The following MYO7B variants were observed in gnomAD, a reference collection of about 807,000 sequenced individuals.
MYO7B encodes unconventional myosin-VIIb.
Under a neutral mutation model 259.7 loss-of-function variants are expected in MYO7B, and 212 were observed. That is an observed-to-expected ratio of 0.82 (90% CI 0.73 to 0.91). The LOEUF (loss-of-function observed/expected upper bound fraction) is 0.91, where lower values mean the gene tolerates loss of function less well. Among genes scored for constraint, MYO7B ranks in the 40% least tolerant of loss-of-function variants. The probability of loss-of-function intolerance (pLI) is 0.00; values close to 1 mark genes in which losing one functional copy is unlikely to be tolerated. For missense variants in MYO7B, 2,732 were observed against 2,813.5 expected (o/e 0.97, Z 0.66); for synonymous variants, 1,197 against 1,166.4 (o/e 1.03, Z -0.54).
At position 127,631,294 on chromosome 2, in the gene MYO7B, C is replaced by T. The variant is rs750191512; in HGVS notation, c.5026C>T (p.Arg1676Ter). Residue 1676 changes from arginine (R) to a stop codon, truncating the protein, a stop_gained, in exon 37 of 48, where the codon CGA becomes TGA. Coordinates refer to ENST00000409816, the MANE Select transcript of MYO7B (RefSeq NM_001393586.1). LOFTEE classifies it high-confidence loss of function. The part of the protein sequence containing the change: ...HLWAYSCEPL[R>*]QPLLKRVHAN... ...GTGGGCCTATTCCTGCGAGCCGCTGCGACAGCCGCTGCTCAAGCGAGTCCA... is the reference window on the plus strand; with the variant it reads ...GTGGGCCTATTCCTGCGAGCCGCTGTGACAGCCGCTGCTCAAGCGAGTCCA... The T allele has an allele frequency of 9.3e-6, 15 of 1,612,064 alleles. No homozygotes were observed. Among genetic ancestry groups the T allele is most frequent in the Middle Eastern group, 1.6e-4 (1 of 6,082 alleles).
In MYO7B at chr2:127,613,932, C is replaced by G. The variant is rs1172000857; in HGVS notation, c.3398+1329C>G. Among the ~76,000 whole-genome samples, 1 of 152,064 alleles carries G rather than the reference C, an allele frequency of 6.6e-6. No individual in the cohort carries two copies. The highest frequency in any genetic ancestry group is 2.4e-5 in the African/African-American group (1 of 41,400). On this transcript the variant is annotated intron_variant, in intron 26 of 47. Coordinates refer to ENST00000409816, the MANE Select transcript of MYO7B (RefSeq NM_001393586.1). The surrounding 1 kb of genome is among the most constrained non-coding windows in gnomAD (Gnocchi z 4.3). ...AGGACTCCTCTGATTGTCTTTATTC[C>G]AAGATTTCCCTTCTCACTTTCAAGC...
chr2:127,622,447 G>A (rs1680887420), intron 28 of MYO7B, among the ~76,000 whole-genome samples: 1 of 152,206 alleles, frequency 6.6e-6, no homozygotes, highest in Non-Finnish European at 1.5e-5. Flanking sequence ...ACCATGGTTG[G>A]CATCCTTGGT....
intron 19 of MYO7B, among the ~76,000 whole-genome samples, chr2:127,600,937 A>G (rs184185882): frequency 1.2e-4 from 18 of 152,242 alleles, no homozygotes; most frequent in Admixed American, 7.8e-4. Context: ...CCTCTTTTCT[A>G]ATGTAGAGTG....
Position 127,632,263 on chromosome 2 carries a change from G to A in MYO7B, c.5267G>A (p.Gly1756Asp). 1 of 1,611,948 alleles carries A rather than the reference G, an allele frequency of 6.2e-7. No individual in the cohort carries two copies. The highest frequency in any genetic ancestry group is 8.5e-7 in the Non-Finnish European group (1 of 1,179,546). ...HNSNRHSEERGWQLLWLCTGL... is the reference protein window; with the variant it reads ...HNSNRHSEERDWQLLWLCTGL... The stretch of plus-strand genomic sequence containing the variant: ...CCCTTCAGGCACAGCGAAGAGCGGG[G>A]CTGGCAGCTGCTGTGGCTGTGCACG... The change falls in exon 39 of 48, where the codon GGC becomes GAC. Residue 1756 changes from glycine to aspartate, a missense_variant. This residue lies in a region of MYO7B where 821 missense variants were observed against 769.3 expected (regional missense o/e 1.07). Coordinates refer to ENST00000409816, the MANE Select transcript of MYO7B (RefSeq NM_001393586.1).
rs1693225972 is a variant in MYO7B at position 127,546,298 on chromosome 2, T to G, written c.-24+10467T>G. ...GATGTCTCCATGGACAGCACAGGGT[T>G]GCTGTGGGGCTCAAATGAGAGAACC... On this transcript the variant is annotated intron_variant, in intron 1 of 47. Coordinates refer to ENST00000409816, the MANE Select transcript of MYO7B (RefSeq NM_001393586.1). The surrounding 1 kb of genome is among the most constrained non-coding windows in gnomAD (Gnocchi z 4.2). Among the ~76,000 whole-genome samples, 1 of 152,212 alleles carries G rather than the reference T, an allele frequency of 6.6e-6. No individual in the cohort carries two copies. Among genetic ancestry groups the G allele is most frequent in the Admixed American group, 6.5e-5 (1 of 15,280 alleles).
Position 127,636,713 on chromosome 2 carries a change from T to A in MYO7B, c.6208-81T>A. On this transcript the variant is annotated intron_variant, in intron 46 of 47. Coordinates refer to ENST00000409816, the MANE Select transcript of MYO7B (RefSeq NM_001393586.1). The surrounding 1 kb of genome is among the most constrained non-coding windows in gnomAD (Gnocchi z 4.5). ...GGGCTGCAGTCATCTCTGCGGTGTG[T>A]CCTGCCTCTCTCCTGTCCCCTAACA... 1 of 1,610,182 alleles carries A rather than the reference T, an allele frequency of 6.2e-7. No homozygotes were observed. Among genetic ancestry groups the A allele is most frequent in the Non-Finnish European group, 8.5e-7 (1 of 1,178,016 alleles).
At chr2:127,552,284 C>T (rs558409585) in intron 1 of MYO7B, among the ~76,000 whole-genome samples, 12 of 152,228 alleles carry the variant, frequency 7.9e-5, no homozygotes, top group East Asian at 3.9e-4. Flanking sequence ...TGACCACTTT[C>T]GTTCCAAAAA....
intron 14 of MYO7B, among the ~76,000 whole-genome samples, 197 bp from the exon 15 acceptor site, chr2:127,588,194 AC>A (rs1237348340): frequency 6.6e-6 from 1 of 151,890 alleles, no homozygotes; most frequent in African/African-American, 2.4e-5. Flanking sequence ...CAGAGTTTAG[AC>A]AGGAGAAGTG....
Position 127,628,216 on chromosome 2 carries a change from C to A in MYO7B, c.4461-156C>A. 2 of 888,806 alleles carry A rather than the reference C, an allele frequency of 2.3e-6. No individual in the cohort carries two copies. Among genetic ancestry groups the A allele is most frequent in the Admixed American group, 2.0e-5 (1 of 50,118 alleles). The allele number at this position is 888,806 out of a possible 1,614,324, so 55.1% of individuals were successfully genotyped here. ...CTCCGCCGTCCTTCATTTGTCCAGACCCACAGTGGTGTCTGGCCTAGTCCT... is the reference window on the plus strand; with the variant it reads ...CTCCGCCGTCCTTCATTTGTCCAGAACCACAGTGGTGTCTGGCCTAGTCCT... On this transcript the variant is annotated intron_variant, in intron 33 of 47. Transcript: ENST00000409816. The surrounding 1 kb of genome is among the most constrained non-coding windows in gnomAD (Gnocchi z 4.8).
chr2:127,592,677 G>C (rs1679602696), intron 16 of MYO7B, 117 bp from the exon 17 acceptor site: 1 of 1,322,630 alleles, frequency 7.6e-7, no homozygotes, highest in Non-Finnish European at 1.0e-6. Flanking sequence ...GGGCGGGGCG[G>C]GGGGCTGGAC....
chr2:127,569,207 CA>C (rs35076829), intron 5 of MYO7B, among the ~76,000 whole-genome samples: 2,170 of 77,350 alleles, frequency 0.028, 19 homozygotes, highest in African/African-American at 0.06. Context: ...GACTCCGTCT[CA>C]AAAAAAAAAA....
At position 127,609,478 on chromosome 2, in the gene MYO7B, G is replaced by T; in HGVS notation, c.2815-28G>T. ...TTGGTTGTTACCTGAAAGCCCTGCT[G>T]ACCCGTGTTCTCCCTCAATGGCCGT... On this transcript the variant is annotated intron_variant, in intron 22 of 47. Transcript: ENST00000409816. The surrounding 1 kb of genome is among the most constrained non-coding windows in gnomAD (Gnocchi z 6.9). 6 of 1,590,896 alleles carry T rather than the reference G, an allele frequency of 3.8e-6. No individual in the cohort carries two copies. Among genetic ancestry groups the T allele is most frequent in the South Asian group, 1.1e-5 (1 of 87,920 alleles).
At position 127,584,269 on chromosome 2, in the gene MYO7B, C is replaced by T. The variant is rs1679218410; in HGVS notation, c.1491C>T (p.Asp497=). 6.2e-7 allele frequency: 1 copy of T among 1,613,922 alleles called. No individual in the cohort carries two copies. The highest frequency in any genetic ancestry group is 1.3e-5 in the African/African-American group (1 of 74,942). ...IHYTDNRPTL[D]LLALKPMSII... ...ACACCGACAATCGGCCCACCCTGGA[C>T]CTGCTGGCCCTCAAGCCCATGAGCA... The change falls in exon 13 of 48, where the codon GAC becomes GAT. Residue 497 remains aspartate (D), a synonymous_variant. Transcript: ENST00000409816. This position sits in a 1 kb window ranked among gnomAD's most constrained non-coding sequence, Gnocchi z 5.8.
At chr2:127,536,355 C>T (rs868033459) in intron 1 of MYO7B, among the ~76,000 whole-genome samples, 4 of 150,884 alleles carry the variant, frequency 2.7e-5, no homozygotes, top group African/African-American at 7.3e-5. Context: ...GAGCCGGATT[C>T]GACTCCAAAG....
chr2:127,636,070 GCACCGAGACTGTCCCATGCTGCA>G lies in MYO7B; in HGVS notation c.6007-137_6007-115del, dbSNP rs1681785613. On this transcript the variant is annotated intron_variant, in intron 44 of 47. Coordinates refer to ENST00000409816, the MANE Select transcript of MYO7B (RefSeq NM_001393586.1). This position sits in a 1 kb window ranked among gnomAD's most constrained non-coding sequence, Gnocchi z 4.5. ...ACCACGCCTTCCTATGCCATCCACAGCACCGAGACTGTCCCATGCTGCATTCCTCCCCTCCCCTCCCCACCGTA... is the reference window on the plus strand; with the variant it reads ...ACCACGCCTTCCTATGCCATCCACAGTTCCTCCCCTCCCCTCCCCACCGTA... 9.5e-7 allele frequency: 1 copy of G among 1,052,362 alleles called. No homozygotes were observed. Among genetic ancestry groups the G allele is most frequent in the Non-Finnish European group, 1.4e-6 (1 of 724,580 alleles). 65.2% of individuals were successfully genotyped at this position (1,052,362 alleles called of 1,614,324 possible). A position where few individuals can be genotyped will look rare whatever the true frequency, so the allele number is the denominator to read the frequency against.
At chr2:127,552,855 C>T (rs1693501825) in intron 1 of MYO7B, among the ~76,000 whole-genome samples, 1 of 152,198 alleles carries the variant, frequency 6.6e-6, no homozygotes, top group Non-Finnish European at 1.5e-5. Flanking sequence ...CAGGTATTCT[C>T]TGCATTTTTA....
rs771098222 is a variant in MYO7B, at chr2:127,609,854, C to T, written c.3030C>T (p.Ala1010=). 71 of 1,613,350 alleles carry T rather than the reference C, an allele frequency of 4.4e-5. No homozygotes were observed. Among genetic ancestry groups the T allele is most frequent in the East Asian group, 1.8e-4 (8 of 44,862 alleles). ...YHEDDTDCLA[A]LVIWNVILRF... is the part of the protein sequence containing the mutation. ...CTTCTGTCTTGTTTCCCCAGGCCGC[C>T]CTGGTCATATGGAACGTCATCCTGA... Residue 1010 remains alanine (A), a synonymous_variant, in exon 24 of 48, where the codon GCC becomes GCT. Transcript: ENST00000409816. This position sits in a 1 kb window ranked among gnomAD's most constrained non-coding sequence, Gnocchi z 6.9.
At chr2:127,562,635 T>A (rs7573623) in intron 2 of MYO7B, among the ~76,000 whole-genome samples, 1 of 151,854 alleles carries the variant, frequency 6.6e-6, no homozygotes, top group Non-Finnish European at 1.5e-5. Flanking sequence ...CTACAGGTGC[T>A]TGCCACCACA....
rs1401303075 is a variant in MYO7B at position 127,631,713 on chromosome 2, T to C, written c.5209T>C (p.Tyr1737His). The C allele has an allele frequency of 3.1e-6, 5 of 1,612,826 alleles. No homozygotes were observed. Among genetic ancestry groups the C allele is most frequent in the Non-Finnish European group, 4.2e-6 (5 of 1,179,844 alleles). Residue 1737 changes from tyrosine (Y) to histidine (H), a missense_variant, in exon 38 of 48, where the codon TAC becomes CAC. Physicochemically the swap from Tyr to His is moderately conservative, Grantham distance 83. Transcript: ENST00000409816. ...LQHPALQDEV[Y>H]CQILKQLTHN... ...GCACCCGGCCCTCCAGGACGAGGTC[T>C]ACTGCCAGATCCTGAAGCAGCTGAC...
Sources: allele counts gnomAD v4.1 joint callset (sites outside exome capture counted in the v4.1 genomes callset), GRCh38; gene constraint gnomAD v4.1.1; regional missense constraint gnomAD v4.1.1; non-coding constraint Gnocchi (gnomAD v3.1); transcripts MANE v1.5; gene names NCBI Gene and HGNC (gene_info 2026-07-23, HGNC 2026-07-21).